The following ST3GAL3 variants were observed in gnomAD, a reference collection of about 807,000 sequenced individuals.
ST3GAL3 encodes the protein ST3 beta-galactoside alpha-2,3-sialyltransferase 3.
ST3GAL3 carries 21 observed loss-of-function variants against 50.1 expected under a neutral mutation model. The observed-to-expected ratio is 0.42, with a 90% CI of 0.30 to 0.60. The LOEUF (loss-of-function observed/expected upper bound fraction) is 0.60. ST3GAL3 is among the 20% of genes least tolerant of loss of function. The pLI, the probability that ST3GAL3 is intolerant of heterozygous loss-of-function variation, is 0.19. For missense variants in ST3GAL3, 353 were observed against 489.4 expected (o/e 0.72, Z 2.63); for synonymous variants, 183 against 190.0 (o/e 0.96, Z 0.30).
intron 2 of ST3GAL3, among the ~76,000 whole-genome samples, chr1:43,742,160 A>C (rs1681213751): frequency 6.6e-6 from 1 of 152,142 alleles, no homozygotes; most frequent in Non-Finnish European, 1.5e-5. Flanking sequence ...GTTGGGGTGA[A>C]AGCAATGCCA....
intron 2 of ST3GAL3, among the ~76,000 whole-genome samples, chr1:43,746,829 C>T (rs1036898063): frequency 6.7e-6 from 1 of 150,032 alleles, no homozygotes; most frequent in Non-Finnish European, 1.5e-5. Flanking sequence ...GTGGCGCCAT[C>T]TCGGCTCACT....
chr1:43,884,530 ACT>A (rs1354133237), intron 5 of ST3GAL3, among the ~76,000 whole-genome samples: 8 of 152,060 alleles, frequency 5.3e-5, no homozygotes, highest in Non-Finnish European at 1.0e-4. Flanking sequence ...GACCATGTAG[ACT>A]CTAGAACACC....
chr1:43,727,642 A>G (rs915099484), intron 1 of ST3GAL3, among the ~76,000 whole-genome samples: 1 of 152,232 alleles, frequency 6.6e-6, no homozygotes, highest in Non-Finnish European at 1.5e-5. Flanking sequence ...TTAACAAGAA[A>G]TGCTGTATCA....
intron 3 of ST3GAL3, among the ~76,000 whole-genome samples, chr1:43,814,048 T>G (rs951959498): frequency 4.6e-5 from 7 of 152,200 alleles, no homozygotes; most frequent in African/African-American, 1.7e-4. Flanking sequence ...GTATCAAGAA[T>G]AGCTGTGATT....
Position 43,930,191 on chromosome 1 carries a change from C to G in ST3GAL3, c.1098C>G (p.Arg366=), listed in dbSNP as rs373494209. The change falls in exon 12 of 12, where the codon CGC becomes CGG. Residue 366 remains arginine, a synonymous_variant. Transcript: ENST00000347631. ...TTCTGCGGAAGCTGGTGAAAGCTCGCGTCATCACTGATCTAAGCAGTGGCA... is the reference window on the plus strand; with the variant it reads ...TTCTGCGGAAGCTGGTGAAAGCTCGGGTCATCACTGATCTAAGCAGTGGCA... The part of the protein sequence containing the change: ...KEFLRKLVKA[R]VITDLSSGI The G allele has an allele frequency of 6.2e-7, 1 of 1,613,986 alleles. No homozygotes were observed. The highest frequency in any genetic ancestry group is 1.7e-5 in the Admixed American group (1 of 60,022).
intron 9 of ST3GAL3, among the ~76,000 whole-genome samples, chr1:43,918,243 G>A (rs907068378): frequency 7.3e-5 from 11 of 150,160 alleles, no homozygotes; most frequent in African/African-American, 1.5e-4. Context: ...CTCAGCCTCC[G>A]ATGGCGTGAG....
chr1:43,860,490 G>A (rs1186441816), intron 5 of ST3GAL3, among the ~76,000 whole-genome samples: 3 of 152,232 alleles, frequency 2.0e-5, no homozygotes, highest in South Asian at 4.1e-4. Flanking sequence ...AGACCCCAGC[G>A]TGGCCAAGGA....
chr1:43,896,102 T>C (rs1490218544), intron 6 of ST3GAL3, among the ~76,000 whole-genome samples: 2 of 152,058 alleles, frequency 1.3e-5, no homozygotes, highest in Non-Finnish European at 2.9e-5. Context: ...TGCTTAAAGG[T>C]TTGTTTCCCT....
intron 4 of ST3GAL3, among the ~76,000 whole-genome samples, chr1:43,825,798 T>TA (rs1295556961): frequency 6.6e-6 from 1 of 151,864 alleles, no homozygotes; most frequent in East Asian, 1.9e-4. Context: ...GGGGAGAGGG[T>TA]ACTTAGGAGG....
At chr1:43,929,989 A>T in intron 11 of ST3GAL3, 143 bp from the exon 12 acceptor site, 1 of 780,148 alleles carries the variant, frequency 1.3e-6, no homozygotes, top group Non-Finnish European at 2.3e-6. Flanking sequence ...TACCGTGTAG[A>T]CACAACTGAT....
chr1:43,716,944 T>C (rs192086506), intron 1 of ST3GAL3, among the ~76,000 whole-genome samples: 3 of 152,244 alleles, frequency 2.0e-5, no homozygotes, highest in Admixed American at 6.5e-5. Context: ...TCCAGTCAGT[T>C]CTCCATATTG....
intron 4 of ST3GAL3, chr1:43,824,954 C>G: frequency 1.4e-6 from 1 of 716,266 alleles, no homozygotes; most frequent in Non-Finnish European, 2.6e-6. Context: ...TGTTTCCTGT[C>G]TCAGGAAGTC....
chr1:43,768,678 A>G (rs1694008838), intron 2 of ST3GAL3, among the ~76,000 whole-genome samples: 1 of 152,238 alleles, frequency 6.6e-6, no homozygotes, highest in Non-Finnish European at 1.5e-5. Flanking sequence ...CTAGAATAAT[A>G]TCCGACTAAA....
intron 2 of ST3GAL3, among the ~76,000 whole-genome samples, chr1:43,759,160 A>G (rs1206150664): frequency 2.0e-5 from 3 of 151,732 alleles, no homozygotes; most frequent in Non-Finnish European, 4.4e-5. Context: ...AAAAGAAAAA[A>G]CTAGGCTGGG....
intron 5 of ST3GAL3, among the ~76,000 whole-genome samples, chr1:43,885,509 C>T (rs548645161): frequency 1.8e-4 from 27 of 152,120 alleles, no homozygotes; most frequent in African/African-American, 2.4e-4. Flanking sequence ...CCTGCTACCC[C>T]CTAGGCCAGG....
At chr1:43,803,876 G>A (rs1277398589) in intron 3 of ST3GAL3, among the ~76,000 whole-genome samples, 1 of 152,182 alleles carries the variant, frequency 6.6e-6, no homozygotes, top group African/African-American at 2.4e-5. Flanking sequence ...CCTGGAGCTG[G>A]GCAGAGACAC....
chr1:43,857,978 AATAGAAATTT>A (rs1200022374), intron 5 of ST3GAL3, among the ~76,000 whole-genome samples: 1 of 152,120 alleles, frequency 6.6e-6, no homozygotes, highest in Non-Finnish European at 1.5e-5. Context: ...TCTGTGACAA[AATAGAAATTT>A]AAAAAGCAAA....
intron 9 of ST3GAL3, chr1:43,917,124 T>C (rs367668828): frequency 3.4e-4 from 51 of 152,138 alleles, no homozygotes; most frequent in African/African-American, 1.1e-3. Context: ...AGAAGGGCTG[T>C]GCCAAATTTA....
intron 5 of ST3GAL3, chr1:43,851,279 A>G (rs1370825113): frequency 3.8e-6 from 6 of 1,581,976 alleles, no homozygotes; most frequent in Non-Finnish European, 5.2e-6. Context: ...CTTGTCTGTC[A>G]TGAACCCGTG....
Sources: gnomAD v4.1 joint callset for allele counts (sites outside exome capture counted in the v4.1 genomes callset) on GRCh38, gnomAD v4.1.1 for gene constraint, MANE v1.5 for transcripts, NCBI Gene and HGNC (gene_info 2026-07-23, HGNC 2026-07-21) for gene names.